LYZL1: variants seen among roughly 807,000 people sequenced by gnomAD.
LYZL1 encodes the protein lysozyme like 1, also known as lysozyme-like protein 1.
A neutral mutation model predicts 17.9 loss-of-function variants in LYZL1; 16 were observed. The observed-to-expected ratio is 0.90, with a 90% CI of 0.61 to 1.36. The LOEUF (loss-of-function observed/expected upper bound fraction) is 1.36, where lower values mean the gene tolerates loss of function less well. Among genes scored for constraint, LYZL1 ranks in the 40% most tolerant of loss-of-function variants. The pLI, the probability that LYZL1 is intolerant of heterozygous loss-of-function variation, is 0.00. For missense variants in LYZL1, 149 were observed against 188.4 expected, an observed-to-expected ratio of 0.79 and a Z score of 1.22; for synonymous variants, 58 against 71.8, an observed-to-expected ratio of 0.81 and a Z score of 0.97.
In LYZL1 at chr10:29,306,792, ATGTATG is replaced by A. The variant is rs1237894683; in HGVS notation, c.299-3314_299-3309del. Among the ~76,000 whole-genome samples the A allele has an allele frequency of 5.8e-4, 53 of 91,510 alleles. 1 individual carries two copies. In the Admixed American group the frequency reaches 6.6e-3, roughly 11 times the overall value. The allele number at this position is 91,510 out of a possible 152,430, so 60.0% of individuals were successfully genotyped here. On this transcript the variant is annotated intron_variant, in intron 3 of 4. Coordinates refer to ENST00000649382, the MANE Select transcript of LYZL1 (RefSeq NM_032517.6). ...CCATCACCTCACATAGTTACCGCTT[ATGTATG>A]TGTGTGTGTGTGTGTGTGTGTGTGT...
At chr10:29,310,501 GA>G (rs59411669) in intron 4 of LYZL1, among the ~76,000 whole-genome samples, 4,298 of 141,586 alleles carry the variant, frequency 0.03, 81 homozygotes, top group South Asian at 0.088. Context: ...TTCGAGAGAG[GA>G]AAAAAAAAAA....
chr10:29,311,603 A>AG (rs1209836663), downstream of LYZL1, among the ~76,000 whole-genome samples: 1 of 152,160 alleles, frequency 6.6e-6, no homozygotes, highest in East Asian at 1.9e-4. Context: ...TGATATTGAA[A>AG]TTCTCATAAA....
intron 4 of LYZL1, among the ~76,000 whole-genome samples, chr10:29,310,557 A>G (rs369791479): frequency 4.6e-5 from 7 of 152,036 alleles, no homozygotes; most frequent in African/African-American, 1.7e-4. Flanking sequence ...TGAAGGTTAC[A>G]GCAACATTTT....
intron 3 of LYZL1, among the ~76,000 whole-genome samples, chr10:29,306,741 G>A (rs1835600025): frequency 6.6e-6 from 1 of 150,664 alleles, no homozygotes; most frequent in Non-Finnish European, 1.5e-5. Context: ...ATTGTGAAAT[G>A]ATTATTACAA....
rs2132814158 is a variant in LYZL1, at chr10:29,292,397, C to T, written c.140-122C>T. 3.4e-6 allele frequency: 5 copies of T among 1,461,224 alleles called. No individual in the cohort carries two copies. The Admixed American group carries it at 7.3e-5, about 21-fold the overall frequency. The allele number at this position is 1,461,224 out of a possible 1,614,324, so 90.5% of individuals were successfully genotyped here. The stretch of plus-strand genomic sequence containing the variant: ...CCCCTGGGCGCATGCCCGCCCTGCC[C>T]TGCCCAAGGTGTATTGGGAGGAAGC... On this transcript the variant is annotated intron_variant, in intron 2 of 4. Coordinates refer to ENST00000649382, the MANE Select transcript of LYZL1 (RefSeq NM_032517.6).
chr10:29,292,940 C>G (rs1314200412), intron 3 of LYZL1, among the ~76,000 whole-genome samples: 1 of 152,096 alleles, frequency 6.6e-6, no homozygotes, highest in African/African-American at 2.4e-5. Context: ...ACCCTACTGC[C>G]CTTTCATGTT....
intron 3 of LYZL1, among the ~76,000 whole-genome samples, chr10:29,293,080 CT>C (rs1835395991): frequency 7.0e-6 from 1 of 143,342 alleles, no homozygotes; most frequent in Non-Finnish European, 1.6e-5. Flanking sequence ...AGGTTTCTTT[CT>C]TTTCTTTTCC....
intron 2 of LYZL1, among the ~76,000 whole-genome samples, 189 bp from the exon 3 acceptor site, chr10:29,292,330 T>C (rs915180503): frequency 2.3e-4 from 35 of 151,976 alleles, no homozygotes; most frequent in Admixed American, 7.9e-4. Context: ...GGTGTACAGC[T>C]TCAGGTGTGC....
intron 3 of LYZL1, among the ~76,000 whole-genome samples, chr10:29,302,888 T>C (rs1835540390): frequency 6.6e-6 from 1 of 152,196 alleles, no homozygotes; most frequent in African/African-American, 2.4e-5. Flanking sequence ...GCTAAGTTTA[T>C]TCTGATCAGC....
intron 3 of LYZL1, among the ~76,000 whole-genome samples, chr10:29,297,439 A>G (rs1157942566): frequency 1.3e-5 from 2 of 152,212 alleles, no homozygotes; most frequent in Admixed American, 6.5e-5. Context: ...TGCTTTCCAT[A>G]GTTTCAGTTA....
At chr10:29,314,909 G>A (rs11007523), downstream of LYZL1, among the ~76,000 whole-genome samples, 9 of 152,202 alleles carry the variant, frequency 5.9e-5, no homozygotes, top group Non-Finnish European at 1.3e-4. Flanking sequence ...TCAGAACTCA[G>A]TGACAGAACG....
chr10:29,300,683 G>A (rs146061338), intron 3 of LYZL1, among the ~76,000 whole-genome samples: 1 of 152,056 alleles, frequency 6.6e-6, no homozygotes, highest in African/African-American at 2.4e-5. Flanking sequence ...TTTGGTTTTG[G>A]TTTCGGTTTT....
intron 3 of LYZL1, among the ~76,000 whole-genome samples, chr10:29,302,087 T>C (rs1030581236): frequency 4.6e-5 from 7 of 152,262 alleles, no homozygotes; most frequent in African/African-American, 1.7e-4. Flanking sequence ...AAATTTCTTA[T>C]CTGCTGTAGA....
At chr10:29,290,301 A>G (rs113397201) in intron 1 of LYZL1, among the ~76,000 whole-genome samples, 1 of 152,316 alleles carries the variant, frequency 6.6e-6, no homozygotes, top group African/African-American at 2.4e-5. Context: ...TTATTTCAAG[A>G]GGGGAAGAGA....
At chr10:29,298,352 T>G (rs2368432) in intron 3 of LYZL1, among the ~76,000 whole-genome samples, 112,180 of 152,024 alleles carry the variant, frequency 0.74, 41,536 homozygotes, top group East Asian at 0.9. Flanking sequence ...CTGACAGAAA[T>G]AAAGCTGGAA....
At chr10:29,315,341 C>G (rs1235619016), downstream of LYZL1, among the ~76,000 whole-genome samples, 1 of 152,014 alleles carries the variant, frequency 6.6e-6, no homozygotes, top group Non-Finnish European at 1.5e-5. Context: ...GAAACCCCAT[C>G]TCTACTAAAA....
intron 3 of LYZL1, among the ~76,000 whole-genome samples, chr10:29,302,419 G>A (rs1298194856): frequency 1.1e-5 from 1 of 92,784 alleles, no homozygotes; most frequent in African/African-American, 4.2e-5. Flanking sequence ...AGGCCGGCAC[G>A]AGGGATGCTC....
rs557911533 is a variant in LYZL1 at position 29,308,646 on chromosome 10, T to C, written c.299-1464T>C. On this transcript the variant is annotated intron_variant, in intron 3 of 4. Transcript: ENST00000649382. Reference sequence around the variant, plus strand: ...CAAACAATACATTTCAATCAAAAGATTTGTTATGTCTGAAGCAATAGAAAA... The same window carrying C: ...CAAACAATACATTTCAATCAAAAGACTTGTTATGTCTGAAGCAATAGAAAA... Among the ~76,000 whole-genome samples, 35 of 152,330 alleles carry C rather than the reference T, an allele frequency of 2.3e-4. No homozygotes were observed. In the South Asian group the frequency reaches 7.2e-3, roughly 32 times the overall value.
chr10:29,310,388 G>A (rs1415245408), intron 4 of LYZL1, among the ~76,000 whole-genome samples, 200 bp downstream of exon 4: 1 of 152,090 alleles, frequency 6.6e-6, no homozygotes, highest in African/African-American at 2.4e-5. Context: ...AGGAGACTTG[G>A]GATTGGGTTA....
Sources: allele counts gnomAD v4.1 joint callset (sites outside exome capture counted in the v4.1 genomes callset), GRCh38; gene constraint gnomAD v4.1.1; transcripts MANE v1.5; gene names NCBI Gene and HGNC (gene_info 2026-07-23, HGNC 2026-07-21).